Variants in EYS observed in about 807,000 individuals in gnomAD.
The protein encoded by EYS is protein eyes shut homolog.
In EYS, 250 loss-of-function variants were observed where a neutral mutation model predicts 282.1. The observed-to-expected ratio is 0.89, with a 90% CI of 0.80 to 0.98. EYS has a LOEUF of 0.98. EYS is among the 50% of genes least tolerant of loss of function. The pLI, the probability that EYS is intolerant of heterozygous loss-of-function variation, is 0.00. For synonymous variants in EYS, 1,355 were observed against 1,282.9 expected, an observed-to-expected ratio of 1.06 and a Z score of -1.20; for missense variants, 4,016 against 3,709.0, an observed-to-expected ratio of 1.08 and a Z score of -2.15.
chr6:65,091,625 A>C (rs1774570810), intron 12 of EYS, among the ~76,000 whole-genome samples: 1 of 152,100 alleles, frequency 6.6e-6, no homozygotes. Context: ...GTTAATCTTC[A>C]CGTAGTTTGA....
At chr6:65,067,501 A>G (rs1773782082) in intron 12 of EYS, among the ~76,000 whole-genome samples, 1 of 152,156 alleles carries the variant, frequency 6.6e-6, no homozygotes, top group African/African-American at 2.4e-5. Context: ...TAGAATGTAT[A>G]AAATATTGTC....
chr6:65,478,395 A>G (rs920106831), intron 5 of EYS, among the ~76,000 whole-genome samples: 20 of 152,282 alleles, frequency 1.3e-4, no homozygotes, highest in Non-Finnish European at 5.9e-5. Flanking sequence ...TGGACATAAA[A>G]TTGAATGAGA....
At chr6:65,705,060 ATTTAT>A (rs1017438595) in intron 1 of EYS, among the ~76,000 whole-genome samples, 1 of 152,058 alleles carries the variant, frequency 6.6e-6, no homozygotes, top group African/African-American at 2.4e-5. Context: ...TGTAATAGGC[ATTTAT>A]TTATATCAGT....
At chr6:64,032,166 C>G (rs531120841) in intron 33 of EYS, among the ~76,000 whole-genome samples, 1 of 152,018 alleles carries the variant, frequency 6.6e-6, no homozygotes, top group Non-Finnish European at 1.5e-5. Flanking sequence ...ACTCCTGAGG[C>G]GGCGAGACCA....
intron 22 of EYS, among the ~76,000 whole-genome samples, chr6:64,793,293 T>C (rs1019488248): frequency 6.6e-6 from 1 of 152,160 alleles, no homozygotes; most frequent in Non-Finnish European, 1.5e-5. Context: ...TTTGGGTAAA[T>C]TATATGCTAT....
intron 22 of EYS, among the ~76,000 whole-genome samples, chr6:64,777,583 T>C (rs1773717648): frequency 1.3e-5 from 2 of 152,168 alleles, no homozygotes; most frequent in African/African-American, 2.4e-5. Flanking sequence ...TTGATTAGTT[T>C]CCTAATGAGA....
chr6:64,729,678 T>A (rs981820713), intron 22 of EYS, among the ~76,000 whole-genome samples: 2 of 152,220 alleles, frequency 1.3e-5, no homozygotes, highest in African/African-American at 4.8e-5. Context: ...TAATCATGTT[T>A]TTTTGTCCGT....
chr6:63,876,834 C>T (rs938608020), intron 35 of EYS, among the ~76,000 whole-genome samples: 8 of 152,130 alleles, frequency 5.3e-5, no homozygotes, highest in Non-Finnish European at 2.9e-5. Flanking sequence ...GATCTTCCTT[C>T]ATCCCATTAT....
chr6:64,024,638 A>G (rs1316950146), intron 33 of EYS, among the ~76,000 whole-genome samples: 1 of 152,108 alleles, frequency 6.6e-6, no homozygotes, highest in East Asian at 1.9e-4. Flanking sequence ...TATGAGCTGT[A>G]ACACTCACTG....
chr6:65,615,373 T>C (rs570767387), intron 2 of EYS, among the ~76,000 whole-genome samples: 15 of 139,012 alleles, frequency 1.1e-4, no homozygotes, highest in African/African-American at 4.0e-4. Flanking sequence ...AAAACCGAGT[T>C]CATTTTATTT....
chr6:64,486,476 T>C (rs1776582058), intron 26 of EYS, among the ~76,000 whole-genome samples: 1 of 151,456 alleles, frequency 6.6e-6, no homozygotes, highest in South Asian at 2.1e-4. Flanking sequence ...ACAATCATCA[T>C]GGTGTATATA....
chr6:64,597,559 A>G (rs1357028812), intron 24 of EYS, among the ~76,000 whole-genome samples: 2 of 152,180 alleles, frequency 1.3e-5, no homozygotes, highest in East Asian at 1.9e-4. Context: ...TTTTGTAGCA[A>G]TGTGGATGGA....
chr6:64,122,539 T>C (rs1163850633), intron 31 of EYS, among the ~76,000 whole-genome samples: 1 of 152,150 alleles, frequency 6.6e-6, no homozygotes, highest in Non-Finnish European at 1.5e-5. Context: ...CCAGACTGCC[T>C]GAGTTTTTAT....
chr6:63,902,270 T>A (rs981192298), intron 35 of EYS, among the ~76,000 whole-genome samples: 1 of 152,048 alleles, frequency 6.6e-6, no homozygotes, highest in Non-Finnish European at 1.5e-5. Flanking sequence ...ATTCTGATTG[T>A]CAATCAGAAT....
intron 22 of EYS, among the ~76,000 whole-genome samples, chr6:64,723,038 A>G (rs1238294405): frequency 6.6e-6 from 1 of 151,952 alleles, no homozygotes; most frequent in Non-Finnish European, 1.5e-5. Context: ...AGGGTAAAAC[A>G]TAATGGCTTC....
chr6:64,114,886 C>G (rs886809426), intron 31 of EYS, among the ~76,000 whole-genome samples: 5 of 152,118 alleles, frequency 3.3e-5, no homozygotes, highest in African/African-American at 7.2e-5. Context: ...CCCAACCCAA[C>G]AAGAAGCTAC....
At chr6:64,809,616 A>C (rs1164731577) in intron 22 of EYS, among the ~76,000 whole-genome samples, 1 of 152,090 alleles carries the variant, frequency 6.6e-6, no homozygotes, top group Admixed American at 6.6e-5. Context: ...GTACATATAC[A>C]CCACACCATA....
chr6:63,985,362 A>T (rs955721105), intron 34 of EYS, among the ~76,000 whole-genome samples: 18 of 151,680 alleles, frequency 1.2e-4, no homozygotes, highest in Admixed American at 1.1e-3. Flanking sequence ...AGAACCCTAC[A>T]GTTCTTTAGT....
At chr6:63,875,629 A>G (rs1772947907) in intron 35 of EYS, among the ~76,000 whole-genome samples, 2 of 152,274 alleles carry the variant, frequency 1.3e-5, no homozygotes, top group South Asian at 4.1e-4. Context: ...TAGGCTGTTA[A>G]TTATTGCCTC....
Sources: allele counts gnomAD v4.1 joint callset (sites outside exome capture counted in the v4.1 genomes callset), GRCh38; gene constraint gnomAD v4.1.1; transcripts MANE v1.5; gene names NCBI Gene and HGNC (gene_info 2026-07-23, HGNC 2026-07-21).